CKMT2: variants seen among roughly 807,000 people sequenced by gnomAD.
CKMT2 encodes creatine kinase S-type, mitochondrial.
Under a neutral mutation model 48.9 loss-of-function variants are expected in CKMT2, and 43 were observed. The observed-to-expected ratio is 0.88, with a 90% CI of 0.69 to 1.13. CKMT2 has a LOEUF of 1.13. Ranked by LOEUF, CKMT2 falls within the 50% of genes most tolerant of loss-of-function variation. The pLI, the probability that CKMT2 is intolerant of heterozygous loss-of-function variation, is 0.00. For missense variants in CKMT2, 472 were observed against 555.4 expected (o/e 0.85, Z 1.51); for synonymous variants, 206 against 213.0 (o/e 0.97, Z 0.29).
At chr5:81,254,695 G>A in intron 4 of CKMT2, 1 of 595,688 alleles carries the variant, frequency 1.7e-6, no homozygotes, top group Non-Finnish European at 3.0e-6. Flanking sequence ...ATACAACTAG[G>A]GAAGGGTTGG....
At position 81,251,388 on chromosome 5, in the gene CKMT2, C is replaced by T. The variant is rs1756809159; in HGVS notation, c.152+104C>T. 25 of 1,200,492 alleles carry T rather than the reference C, an allele frequency of 2.1e-5. No homozygotes were observed. In the South Asian group the frequency reaches 3.5e-4, roughly 17 times the overall value. 74.4% of individuals were successfully genotyped at this position (1,200,492 alleles called of 1,614,324 possible). ...AGATCACGAGGTCAAGAGATCGAGA[C>T]CATCCTGGCCAACATGGTGAAACCC... is the stretch of plus-strand genomic sequence containing the variant. On this transcript the variant is annotated intron_variant, in intron 2 of 9. Transcript: ENST00000254035.
At position 81,249,843 on chromosome 5, in the gene CKMT2, C is replaced by CA. The variant is rs1466015734; in HGVS notation, c.-20-1264dup. 3.3e-5 allele frequency among the ~76,000 whole-genome samples: 5 copies of CA among 152,146 alleles called. No individual in the cohort carries two copies. The East Asian group carries it at 7.7e-4, about 23-fold the overall frequency. On this transcript the variant is annotated intron_variant, in intron 1 of 9. Coordinates refer to ENST00000254035, the MANE Select transcript of CKMT2 (RefSeq NM_001099735.2). ...AATATTATCTACCTGGGCTCATTAT[C>CA]AAAAAATCAGCTCGTTTGTCATTTC...
rs570584117 is a variant in CKMT2 at position 81,244,258 on chromosome 5, T to C, written c.-20-6855T>C. On this transcript the variant is annotated intron_variant, in intron 1 of 9. Coordinates refer to ENST00000254035, the MANE Select transcript of CKMT2 (RefSeq NM_001099735.2). ...GGCTCATAGAAATCGCAAGATATAATTGCCTGCCTCATCATTAACATCACC... is the reference window on the plus strand; with the variant it reads ...GGCTCATAGAAATCGCAAGATATAACTGCCTGCCTCATCATTAACATCACC... 4 of 888,152 alleles carry C rather than the reference T, an allele frequency of 4.5e-6. No homozygotes were observed. The African/African-American group carries it at 5.4e-5, about 12-fold the overall frequency. The allele number at this position is 888,152 out of a possible 1,614,324, so 55.0% of individuals were successfully genotyped here.
chr5:81,257,484 C>G (rs553777104), intron 6 of CKMT2, among the ~76,000 whole-genome samples: 24 of 152,086 alleles, frequency 1.6e-4, no homozygotes, highest in Non-Finnish European at 3.1e-4. Flanking sequence ...GTCAGAGGAC[C>G]TAGGGGGAAT....
intron 1 of CKMT2, among the ~76,000 whole-genome samples, chr5:81,249,984 A>G (rs931964602): frequency 5.9e-5 from 9 of 152,022 alleles, no homozygotes; most frequent in Non-Finnish European, 1.2e-4. Context: ...ATTATGTTAC[A>G]CCTCTTGAAT....
At chr5:81,266,113 A>G in intron 9 of CKMT2, 26 bp from the exon 10 acceptor site, 1 of 1,608,096 alleles carries the variant, frequency 6.2e-7, no homozygotes, top group Non-Finnish European at 8.5e-7. Flanking sequence ...ATTCAAATTA[A>G]TCATTCATCT....
chr5:81,254,308 T>C (rs1460403108), intron 3 of CKMT2, 88 bp from the exon 4 acceptor site: 2 of 1,156,398 alleles, frequency 1.7e-6, no homozygotes, highest in Non-Finnish European at 2.6e-6. Flanking sequence ...AACTTTGGCT[T>C]TTAAGATACA....
At chr5:81,246,266 C>A (rs1756607974) in intron 1 of CKMT2, among the ~76,000 whole-genome samples, 1 of 151,704 alleles carries the variant, frequency 6.6e-6, no homozygotes, top group Non-Finnish European at 1.5e-5. Flanking sequence ...GGGGCCTGCA[C>A]ACCTGGCTCC....
At chr5:81,261,391 G>A (rs879544146) in intron 8 of CKMT2, among the ~76,000 whole-genome samples, 21 of 152,278 alleles carry the variant, frequency 1.4e-4, no homozygotes, top group Non-Finnish European at 1.6e-4. Context: ...GGGTATTCAC[G>A]CAGGAAGAGA....
intron 1 of CKMT2, 103 bp downstream of exon 1, chr5:81,233,480 G>T: frequency 3.6e-6 from 3 of 823,356 alleles, no homozygotes; most frequent in Non-Finnish European, 4.4e-6. Context: ...TGTAGACGGG[G>T]ACCCCGTTAG....
intron 1 of CKMT2, 44 bp from the exon 2 acceptor site, chr5:81,251,069 G>C (rs1350526929): frequency 3.9e-6 from 6 of 1,544,952 alleles, no homozygotes; most frequent in Non-Finnish European, 5.3e-6. Flanking sequence ...TGTGGCTCAG[G>C]GTCATCCTAT....
At chr5:81,250,393 T>G (rs1435292315) in intron 1 of CKMT2, among the ~76,000 whole-genome samples, 1 of 152,242 alleles carries the variant, frequency 6.6e-6, no homozygotes, top group African/African-American at 2.4e-5. Flanking sequence ...TCGTTAGCAG[T>G]CTACATCTGC....
chr5:81,252,791 C>T lies in CKMT2; in HGVS notation c.249C>T (p.Asn83=), dbSNP rs772924692. 32 of 1,614,232 alleles carry T rather than the reference C, an allele frequency of 2.0e-5. No homozygotes were observed. Among genetic ancestry groups the T allele is most frequent in the Middle Eastern group, 1.6e-4 (1 of 6,062 alleles). ...AGCTTCGCAACAAGGTGACACCCAACGGCTACACGCTGGACCAGTGCATCC... is the reference window on the plus strand; with the variant it reads ...AGCTTCGCAACAAGGTGACACCCAATGGCTACACGCTGGACCAGTGCATCC... ...YAKLRNKVTP[N]GYTLDQCIQT... The change falls in exon 3 of 10, where the codon AAC becomes AAT. Residue 83 remains asparagine, a synonymous_variant. Transcript: ENST00000254035.
At chr5:81,239,829 A>G (rs1756375983) in intron 1 of CKMT2, among the ~76,000 whole-genome samples, 1 of 152,118 alleles carries the variant, frequency 6.6e-6, no homozygotes, top group Admixed American at 6.5e-5. Flanking sequence ...GCTGGCCAGA[A>G]TCCCAGCGCT....
chr5:81,254,205 C>CTTGTTG (rs112071184), intron 3 of CKMT2, among the ~76,000 whole-genome samples, 191 bp from the exon 4 acceptor site: 15 of 152,184 alleles, frequency 9.9e-5, no homozygotes, highest in African/African-American at 2.7e-4. Context: ...GGCTTTCTCT[C>CTTGTTG]TTGTTGTTGT....
intron 1 of CKMT2, chr5:81,244,170 C>T: frequency 3.0e-6 from 3 of 985,436 alleles, no homozygotes; most frequent in Non-Finnish European, 3.6e-6. Context: ...GGCCAGCAGG[C>T]CACTTTTCAC....
intron 1 of CKMT2, among the ~76,000 whole-genome samples, chr5:81,250,230 T>TAATGAGTG (rs765233200): frequency 2.2e-4 from 34 of 152,366 alleles, no homozygotes; most frequent in Non-Finnish European, 4.3e-4. Flanking sequence ...AGCTGTGTCA[T>TAATGAGTG]AATGAGTGGT....
chr5:81,235,034 A>G (rs774141216), intron 1 of CKMT2, among the ~76,000 whole-genome samples: 4 of 152,082 alleles, frequency 2.6e-5, no homozygotes, highest in Non-Finnish European at 5.9e-5. Context: ...TTGGGCGGGG[A>G]AGAAGGCAGC....
intron 5 of CKMT2, among the ~76,000 whole-genome samples, chr5:81,255,625 C>T (rs183767792): frequency 2.4e-4 from 36 of 152,182 alleles, no homozygotes; most frequent in African/African-American, 8.7e-4. Context: ...AAGGAAATTC[C>T]AGGTGGGAGG....
Sources: gnomAD v4.1 joint callset for allele counts (sites outside exome capture counted in the v4.1 genomes callset) on GRCh38, gnomAD v4.1.1 for gene constraint, MANE v1.5 for transcripts, NCBI Gene and HGNC (gene_info 2026-07-23, HGNC 2026-07-21) for gene names.